The following KAZN variants were observed in gnomAD, a reference collection of about 807,000 sequenced individuals.
KAZN encodes kazrin.
A neutral mutation model predicts 87.4 loss-of-function variants in KAZN; 40 were observed. The ratio of observed to expected loss-of-function variants is 0.46; its 90% CI spans 0.36 to 0.60. The LOEUF is 0.60. KAZN is among the 20% of genes least tolerant of loss of function. The pLI, the probability that KAZN is intolerant of heterozygous loss-of-function variation, is 0.00. For missense variants in KAZN, 898 were observed against 1,073.9 expected, an observed-to-expected ratio of 0.84 and a Z score of 2.29; for synonymous variants, 466 against 458.3, an observed-to-expected ratio of 1.02 and a Z score of -0.22.
intron 1 of KAZN, among the ~76,000 whole-genome samples, chr1:14,052,709 T>A (rs729799): frequency 6.6e-6 from 1 of 151,980 alleles, no homozygotes; most frequent in East Asian, 1.9e-4. Flanking sequence ...AAAAGGAGAC[T>A]GAGAAGTTAA....
At chr1:13,933,428 G>A (rs1038870891) in intron 1 of KAZN, among the ~76,000 whole-genome samples, 16 of 152,130 alleles carry the variant, frequency 1.1e-4, no homozygotes, top group Non-Finnish European at 1.9e-4. Context: ...GGAGACGGAG[G>A]TTGTGGCGAG....
chr1:14,934,865 T>C (rs150565744), intron 1 of KAZN, among the ~76,000 whole-genome samples: 101 of 152,356 alleles, frequency 6.6e-4, no homozygotes, highest in African/African-American at 2.4e-3. Context: ...GCCAGGTCTG[T>C]GGCCCTGCAG....
intron 1 of KAZN, among the ~76,000 whole-genome samples, chr1:13,941,898 C>G (rs1042073700): frequency 2.0e-5 from 3 of 152,154 alleles, no homozygotes; most frequent in Non-Finnish European, 4.4e-5. Flanking sequence ...TCTGCTGTGT[C>G]TTCTCTTTTA....
chr1:14,033,852 C>T (rs1044099320), intron 1 of KAZN, among the ~76,000 whole-genome samples: 1 of 152,228 alleles, frequency 6.6e-6, no homozygotes, highest in African/African-American at 2.4e-5. Context: ...TCCTCAAACA[C>T]ATGCAAAGGA....
chr1:13,900,967 G>C (rs1639224928), intron 1 of KAZN, among the ~76,000 whole-genome samples: 1 of 151,094 alleles, frequency 6.6e-6, no homozygotes, highest in Non-Finnish European at 1.5e-5. Context: ...ATAACACTAG[G>C]ATTAAAACAT....
At chr1:14,825,662 T>C (rs1572581364) in intron 1 of KAZN, among the ~76,000 whole-genome samples, 3 of 152,264 alleles carry the variant, frequency 2.0e-5, no homozygotes, top group Middle Eastern at 3.4e-3. Context: ...CACGTTGGGA[T>C]TGGAACCCAG....
rs186388934 is a variant in KAZN, at chr1:14,556,796, A to G, written c.250-42187A>G. Among the ~76,000 whole-genome samples, 146 of 152,286 alleles carry G rather than the reference A, an allele frequency of 9.6e-4. 1 individual carries two copies. The highest frequency in any genetic ancestry group is 7.9e-3 in the Admixed American group (121 of 15,290). On this transcript the variant is annotated intron_variant, in intron 2 of 16. Transcript: ENST00000636203. ...AGGGAGTGAGATTAGATGAGCTTCA[A>G]TGGCCCGTTTGGCTCTGACATTCTA...
At chr1:14,561,029 C>A (rs1344958065) in intron 2 of KAZN, among the ~76,000 whole-genome samples, 1 of 152,168 alleles carries the variant, frequency 6.6e-6, no homozygotes, top group African/African-American at 2.4e-5. Context: ...TGTCTAAGCT[C>A]CTCTCTGCAT....
At chr1:14,055,613 C>T (rs1278391705) in intron 1 of KAZN, among the ~76,000 whole-genome samples, 3 of 152,174 alleles carry the variant, frequency 2.0e-5, no homozygotes, top group Admixed American at 6.5e-5. Flanking sequence ...CTTCTCCCCA[C>T]ATTGGATCAT....
chr1:14,993,872 G>T (rs994471950), intron 2 of KAZN, among the ~76,000 whole-genome samples: 1 of 152,214 alleles, frequency 6.6e-6, no homozygotes, highest in African/African-American at 2.4e-5. Context: ...ATTGGAGCTG[G>T]GCTTGAAGGA....
In KAZN at chr1:14,379,703, T is replaced by C. The variant is rs542750189; in HGVS notation, c.249+199111T>C. Among the ~76,000 whole-genome samples, 7 of 152,278 alleles carry C rather than the reference T, an allele frequency of 4.6e-5. No homozygotes were observed. The South Asian group carries it at 1.2e-3, about 27-fold the overall frequency. ...AATGGGAAGGACTGTGTCTCATGGT[T>C]TGAGTGCCAGCTCAGCCACAGTACA... On this transcript the variant is annotated intron_variant, in intron 2 of 16. Transcript: ENST00000636203.
intron 1 of KAZN, among the ~76,000 whole-genome samples, chr1:14,932,353 C>T (rs754935218): frequency 6.6e-6 from 1 of 151,990 alleles, no homozygotes; most frequent in Non-Finnish European, 1.5e-5. Context: ...TCTGGCATCT[C>T]TACCTGTGTC....
intron 1 of KAZN, among the ~76,000 whole-genome samples, chr1:13,985,990 G>T (rs1281483465): frequency 2.0e-5 from 3 of 152,172 alleles, no homozygotes; most frequent in Non-Finnish European, 2.9e-5. Flanking sequence ...ACAAGTTTTT[G>T]TGTGGGCATA....
At chr1:14,384,502 T>G (rs1255949602) in intron 2 of KAZN, among the ~76,000 whole-genome samples, 1 of 152,172 alleles carries the variant, frequency 6.6e-6, no homozygotes, top group African/African-American at 2.4e-5. Flanking sequence ...CAATACCTAA[T>G]TTATTGAGAG....
At chr1:13,962,629 C>T (rs1281659668) in intron 1 of KAZN, among the ~76,000 whole-genome samples, 1 of 152,198 alleles carries the variant, frequency 6.6e-6, no homozygotes, top group Admixed American at 6.5e-5. Flanking sequence ...GTGATCTTGG[C>T]TCACTGCAAC....
At chr1:14,471,974 T>G (rs1240117758) in intron 2 of KAZN, among the ~76,000 whole-genome samples, 1 of 152,152 alleles carries the variant, frequency 6.6e-6, no homozygotes, top group South Asian at 2.1e-4. Flanking sequence ...ATAATGGAAA[T>G]GTATTACTTA....
chr1:14,821,398 T>C (rs1397018426), intron 1 of KAZN, among the ~76,000 whole-genome samples: 1 of 151,718 alleles, frequency 6.6e-6, no homozygotes, highest in African/African-American at 2.4e-5. Context: ...GCACCTGTAA[T>C]CCCAGCTACT....
At chr1:14,850,242 C>T (rs1246024205) in intron 1 of KAZN, among the ~76,000 whole-genome samples, 1 of 152,100 alleles carries the variant, frequency 6.6e-6, no homozygotes, top group East Asian at 1.9e-4. Flanking sequence ...CCTATTTATG[C>T]TTTTTCTAAT....
chr1:15,048,627 C>CGGTCCTGGGTCGCT (rs1673870231), intron 4 of KAZN, among the ~76,000 whole-genome samples: 12 of 96,092 alleles, frequency 1.2e-4, no homozygotes, highest in African/African-American at 4.6e-4. Context: ...CCTGGGTCGT[C>CGGTCCTGGGTCGCT]GGTCCTGGGT....
Sources: allele counts gnomAD v4.1 joint callset (sites outside exome capture counted in the v4.1 genomes callset), GRCh38; gene constraint gnomAD v4.1.1; transcripts MANE v1.5; gene names NCBI Gene and HGNC (gene_info 2026-07-23, HGNC 2026-07-21).